Variants in NDST4 observed in about 807,000 individuals in gnomAD.
The protein encoded by NDST4 is N-heparan sulfate sulfotransferase 4.
NDST4 carries 63 observed loss-of-function variants against 100.8 expected under a neutral mutation model. That is an observed-to-expected ratio of 0.62 (90% CI 0.51 to 0.77). The LOEUF (loss-of-function observed/expected upper bound fraction) is 0.77. NDST4 is among the 30% of genes least tolerant of loss of function. The pLI is 0.00. For synonymous variants in NDST4, 377 were observed against 361.8 expected (o/e 1.04, Z -0.48); for missense variants, 943 against 1,018.4 (o/e 0.93, Z 1.01).
At chr4:114,947,092 T>C (rs997103282) in intron 4 of NDST4, among the ~76,000 whole-genome samples, 2 of 152,106 alleles carry the variant, frequency 1.3e-5, no homozygotes, top group African/African-American at 4.8e-5. Flanking sequence ...GGATTATGAA[T>C]GAAATAAAGA....
At chr4:115,047,279 A>T (rs773398571) in intron 2 of NDST4, among the ~76,000 whole-genome samples, 4 of 152,088 alleles carry the variant, frequency 2.6e-5, no homozygotes, top group Non-Finnish European at 5.9e-5. Context: ...CAGTCAATAT[A>T]TTTATTTTAA....
intron 6 of NDST4, among the ~76,000 whole-genome samples, chr4:114,916,642 C>CT (rs796436862): frequency 0.027 from 3,257 of 119,864 alleles, 156 homozygotes; most frequent in African/African-American, 0.091. Context: ...TGTTTTTATG[C>CT]TTTTTTTTTT....
rs111445788 is a variant in NDST4, at chr4:115,061,756, T to A, written c.978+14303A>T. On this transcript the variant is annotated intron_variant, in intron 2 of 13. Transcript: ENST00000264363. ...TATAGCTGTGTAACAAACCTGTACA[T>A]TCTGCACATGTATCCCAGAACTTAA... Among the ~76,000 whole-genome samples the A allele has an allele frequency of 3.3e-3, 502 of 152,152 alleles. 10 individuals are homozygous for A. The highest frequency in any genetic ancestry group is 0.012 in the African/African-American group (478 of 41,480).
intron 10 of NDST4, among the ~76,000 whole-genome samples, chr4:114,840,060 T>C (rs554956031): frequency 5.0e-4 from 76 of 152,326 alleles, no homozygotes; most frequent in African/African-American, 1.7e-3. Context: ...GATTCTGACA[T>C]TTCCCCAATA....
chr4:115,105,103 G>T (rs1432021638), intron 1 of NDST4, among the ~76,000 whole-genome samples: 1 of 152,098 alleles, frequency 6.6e-6, no homozygotes, highest in Non-Finnish European at 1.5e-5. Flanking sequence ...TCCTGATCTG[G>T]TGGAAACCAA....
chr4:115,062,590 CATATCAGGCATTAACATGCAG>C (rs1728848288), intron 2 of NDST4, among the ~76,000 whole-genome samples: 1 of 151,210 alleles, frequency 6.6e-6, no homozygotes, highest in South Asian at 2.1e-4. Flanking sequence ...TATCTGCAAG[CATATCAGGCATTAACATGCAG>C]ACTATCTAAA....
chr4:114,878,308 T>C (rs920039981), intron 6 of NDST4, among the ~76,000 whole-genome samples: 5 of 152,316 alleles, frequency 3.3e-5, no homozygotes, highest in African/African-American at 1.2e-4. Flanking sequence ...TCACTAATCC[T>C]AGTTGATGTT....
At chr4:115,069,721 C>G (rs1376832478) in intron 2 of NDST4, among the ~76,000 whole-genome samples, 1 of 151,944 alleles carries the variant, frequency 6.6e-6, no homozygotes, top group African/African-American at 2.4e-5. Context: ...CATGGTGAAA[C>G]CCCATCTCTA....
chr4:114,979,001 T>C (rs1042030352), intron 2 of NDST4, among the ~76,000 whole-genome samples: 3 of 151,956 alleles, frequency 2.0e-5, no homozygotes, highest in Non-Finnish European at 2.9e-5. Context: ...GATAACTGAG[T>C]CTATCATTCT....
intron 4 of NDST4, among the ~76,000 whole-genome samples, chr4:114,954,108 A>G (rs1166562012): frequency 6.6e-6 from 1 of 152,186 alleles, no homozygotes; most frequent in African/African-American, 2.4e-5. Context: ...TCCATTTTCT[A>G]AACATTTAGC....
At chr4:115,007,951 C>G (rs1246281041) in intron 2 of NDST4, among the ~76,000 whole-genome samples, 1 of 129,084 alleles carries the variant, frequency 7.7e-6, no homozygotes, top group Non-Finnish European at 1.7e-5. Flanking sequence ...TCCAAAGATG[C>G]TAGAATAAAA....
intron 1 of NDST4, among the ~76,000 whole-genome samples, chr4:115,100,220 A>C (rs1729702074): frequency 6.6e-6 from 1 of 152,066 alleles, no homozygotes; most frequent in African/African-American, 2.4e-5. Flanking sequence ...AAATTTTTCT[A>C]TTTAATACTA....
intron 7 of NDST4, among the ~76,000 whole-genome samples, chr4:114,860,408 A>G (rs774735665): frequency 1.3e-5 from 2 of 152,194 alleles, no homozygotes; most frequent in Non-Finnish European, 2.9e-5. Context: ...CCAGCTAGAG[A>G]GTATATTTCA....
At chr4:115,084,073 A>T (rs1036838981) in intron 1 of NDST4, among the ~76,000 whole-genome samples, 2 of 152,158 alleles carry the variant, frequency 1.3e-5, no homozygotes, top group Non-Finnish European at 2.9e-5. Flanking sequence ...AAAGTTTGGA[A>T]CTTCCTAGAG....
chr4:114,831,304 G>A (rs1300590884), intron 12 of NDST4, among the ~76,000 whole-genome samples: 3 of 151,462 alleles, frequency 2.0e-5, no homozygotes, highest in African/African-American at 4.9e-5. Context: ...CACCCGCCTC[G>A]GCCTCCCAAA....
At chr4:114,905,714 C>G (rs1343948892) in intron 6 of NDST4, among the ~76,000 whole-genome samples, 1 of 151,856 alleles carries the variant, frequency 6.6e-6, no homozygotes, top group African/African-American at 2.4e-5. Flanking sequence ...TAACCATTAT[C>G]CAATTAATTT....
At chr4:114,835,939 C>T (rs1039086589) in intron 11 of NDST4, among the ~76,000 whole-genome samples, 21 of 152,108 alleles carry the variant, frequency 1.4e-4, no homozygotes, top group African/African-American at 4.8e-4. Context: ...GCAACCTCTG[C>T]ATTTTTTTTT....
At chr4:114,838,757 G>A (rs1447165457) in intron 11 of NDST4, among the ~76,000 whole-genome samples, 2 of 151,516 alleles carry the variant, frequency 1.3e-5, no homozygotes, top group Admixed American at 6.6e-5. Context: ...CGTGGCACAT[G>A]TATACTTATG....
intron 2 of NDST4, among the ~76,000 whole-genome samples, chr4:115,023,695 T>G (rs921790697): frequency 6.6e-6 from 1 of 152,070 alleles, no homozygotes; most frequent in Non-Finnish European, 1.5e-5. Context: ...AAAAACTGTG[T>G]TAAGGAGAAG....
Sources: gnomAD v4.1 joint callset for allele counts (sites outside exome capture counted in the v4.1 genomes callset) on GRCh38, gnomAD v4.1.1 for gene constraint, MANE v1.5 for transcripts, NCBI Gene and HGNC (gene_info 2026-07-23, HGNC 2026-07-21) for gene names.